The following MXRA5 variants were observed in gnomAD, a reference collection of about 807,000 sequenced individuals.
MXRA5 encodes matrix-remodeling-associated protein 5.
Under a neutral mutation model 112.5 loss-of-function variants are expected in MXRA5, and 41 were observed. The ratio of observed to expected loss-of-function variants is 0.36; its 90% CI spans 0.28 to 0.47. MXRA5 has a LOEUF of 0.47. Among genes scored for constraint, MXRA5 ranks in the 20% least tolerant of loss-of-function variants. The pLI is 0.99. For missense variants in MXRA5, 2,150 were observed against 2,251.0 expected (o/e 0.96, Z 0.91); for synonymous variants, 862 against 900.8 (o/e 0.96, Z 0.77).
At chrX:3,319,693 G>T (rs1268284354) in intron 5 of MXRA5, among the ~76,000 whole-genome samples, 1 of 111,502 alleles carries the variant, frequency 9.0e-6, no homozygotes, top group Admixed American at 9.5e-5. Context: ...GGGTGGCAAG[G>T]GTTGAAAAAT....
At chrX:3,314,881 CAGATAGATAGATAGATAGAT>C (rs77892728) in intron 6 of MXRA5, among the ~76,000 whole-genome samples, 1 of 102,606 alleles carries the variant, frequency 9.7e-6, no homozygotes, top group East Asian at 3.1e-4. Context: ...GGTAGGTAGG[CAGATAGATAGATAGATAGAT>C]AGATAGATAG....
Position 3,320,265 on chromosome X carries a change from G to C in MXRA5, c.5420C>G (p.Pro1807Arg). 2 of 1,211,415 alleles carry C rather than the reference G, an allele frequency of 1.7e-6. No homozygotes were observed. The highest frequency in any genetic ancestry group is 2.2e-6 in the Non-Finnish European group (2 of 895,125). The change falls in exon 5 of 7, where the codon CCT (proline) becomes CGT (arginine). Residue 1807 changes from proline (P) to arginine (R), a missense_variant. By Grantham distance (103) the Pro-to-Arg change is moderately radical. Around this residue, in one of 6 missense-constraint regions of MXRA5, gnomAD observed 1,485 missense variants for 1,471.6 expected, o/e 1.01. Coordinates refer to ENST00000217939, the MANE Select transcript of MXRA5 (RefSeq NM_015419.4). Reference protein sequence around the residue: ...GSPSTNLQNIPMVSSTQSSIS... With the variant: ...GSPSTNLQNIRMVSSTQSSIS... ...AGAACTCTGGGTGGAAGAGACCATAGGGATATTCTGTAAGTTAGTTGAGGG... is the reference window on the plus strand; with the variant it reads ...AGAACTCTGGGTGGAAGAGACCATACGGATATTCTGTAAGTTAGTTGAGGG...
In MXRA5 at chrX:3,311,123, A is replaced by G; in HGVS notation, c.7080T>C (p.Tyr2360=). Residue 2360 remains tyrosine, a synonymous_variant, in exon 7 of 7, where the codon TAT becomes TAC. Transcript: ENST00000217939. ...CACAGGCTACAGTGACCACGTCTCC[A>G]TAGGGCACCTGAACCGCCAAGTAAG... ...NKTYLAVQVP[Y]GDVVTVACEA... is the part of the protein sequence containing the mutation. 1.7e-6 allele frequency: 2 copies of G among 1,211,660 alleles called. No individual in the cohort carries two copies. The highest frequency in any genetic ancestry group is 2.2e-6 in the Non-Finnish European group (2 of 895,498).
At chrX:3,345,839 G>T (rs184030420) in intron 1 of MXRA5, among the ~76,000 whole-genome samples, 5 of 112,954 alleles carry the variant, frequency 4.4e-5, no homozygotes, top group Non-Finnish European at 7.5e-5. Flanking sequence ...TGAATTACGA[G>T]CTTTCCCGGA....
chrX:3,317,505 A>G lies in MXRA5; in HGVS notation c.6176T>C (p.Leu2059Pro), dbSNP rs778684559. Reference protein sequence around the residue: ...IHQEKLENISLPPGLSIHIHC... With the variant: ...IHQEKLENISPPPGLSIHIHC... ...AATGTGAATGCTGAGCCCCGGGGGC[A>G]GCGAGATGTTCTCCAGCTTCTCCTG... The change falls in exon 6 of 7, where the codon CTG becomes CCG. Residue 2059 changes from leucine to proline, a missense_variant. Physicochemically the swap from Leu to Pro is moderately conservative, Grantham distance 98. This residue lies in a region of MXRA5 where 1,485 missense variants were observed against 1,471.6 expected (regional missense o/e 1.01). Coordinates refer to ENST00000217939, the MANE Select transcript of MXRA5 (RefSeq NM_015419.4). 19 of 1,198,535 alleles carry G rather than the reference A, an allele frequency of 1.6e-5. No individual in the cohort carries two copies. In the Admixed American group the frequency reaches 3.6e-4, roughly 23 times the overall value.
In MXRA5 at chrX:3,310,561, T is replaced by C. The variant is rs1920977019; in HGVS notation, c.7642A>G (p.Ile2548Val). The C allele has an allele frequency of 3.5e-6, 4 of 1,154,468 alleles. No homozygotes were observed. Among genetic ancestry groups the C allele is most frequent in the Non-Finnish European group, 3.5e-6 (3 of 860,543 alleles). ...GCCATGGCCGTGATCTTCTCGCTGA[T>C]CGGGTCGTGGAAGATGGGTTTCTCC... Reference protein sequence around the residue: ...PMEKPIFHDPISEKITAMAGH... With the variant: ...PMEKPIFHDPVSEKITAMAGH... The change falls in exon 7 of 7, where the codon ATC becomes GTC. Residue 2548 changes from isoleucine (I) to valine (V), a missense_variant. Transcript: ENST00000217939.
rs375319194 is a variant in MXRA5 at position 3,317,111 on chromosome X, C to T, written c.6570G>A (p.Ala2190=). ...CACGCAGAGCTGCCTACCTGAAGAG[C>T]GCGTCGATCATCCTCTTGGACGGCA... ...WRLPSKRMID[A]LFSFDSRIKV... The change falls in exon 6 of 7, where the codon GCG becomes GCA. Residue 2190 remains alanine (A), a synonymous_variant. Transcript: ENST00000217939. The T allele has an allele frequency of 3.4e-4, 391 of 1,161,440 alleles. 2 individuals carry two copies. Among genetic ancestry groups the T allele is most frequent in the Non-Finnish European group, 5.9e-5 (51 of 869,358 alleles).
chrX:3,317,446 C>G lies in MXRA5; in HGVS notation c.6235G>C (p.Val2079Leu). The change falls in exon 6 of 7, where the codon GTG becomes CTG. Residue 2079 changes from valine to leucine, a missense_variant. By Grantham distance (32) the Val-to-Leu change is conservative. Coordinates refer to ENST00000217939, the MANE Select transcript of MXRA5 (RefSeq NM_015419.4). ...GTACCGTCCCCGAGCACCCAGCGCA[C>G]GCTGGGCAGGGGCGCAGCCTTGGCA... ...CTAKAAPLPS[V>L]RWVLGDGTQI... 2.5e-6 allele frequency: 3 copies of G among 1,197,392 alleles called. No individual in the cohort carries two copies. The highest frequency in any genetic ancestry group is 1.8e-5 in the South Asian group (1 of 55,092).
intron 6 of MXRA5, among the ~76,000 whole-genome samples, chrX:3,314,954 A>ATAAGAGAT (rs1251121690): frequency 9.0e-6 from 1 of 111,216 alleles, no homozygotes; most frequent in African/African-American, 3.3e-5. Flanking sequence ...GAATAGATAC[A>ATAAGAGAT]TAAGAGATAA....
Position 3,320,349 on chromosome X carries a change from T to G in MXRA5, c.5336A>C (p.His1779Pro), listed in dbSNP as rs760162200. ...YNRIHSHSTF[H>P]LDFGPPAPPL... ...AGGTGCCGGAGGGCCAAAGTCCAGATGGAAGGTGCTATGGGAATGTATCCT... is the reference window on the plus strand; with the variant it reads ...AGGTGCCGGAGGGCCAAAGTCCAGAGGGAAGGTGCTATGGGAATGTATCCT... The change falls in exon 5 of 7, where the codon CAT (histidine) becomes CCT (proline). Residue 1779 changes from histidine (H) to proline (P), a missense_variant. By Grantham distance (77) the His-to-Pro change is moderately conservative. This residue lies in a region of MXRA5 where 1,485 missense variants were observed against 1,471.6 expected (regional missense o/e 1.01). Coordinates refer to ENST00000217939, the MANE Select transcript of MXRA5 (RefSeq NM_015419.4). The G allele has an allele frequency of 2.5e-6, 3 of 1,211,778 alleles. No homozygotes were observed. In the East Asian group the frequency reaches 8.9e-5, roughly 36 times the overall value.
chrX:3,321,467 G>A lies in MXRA5; in HGVS notation c.4218C>T (p.Asp1406=), dbSNP rs1246901776. Residue 1406 remains aspartate (D), a synonymous_variant, in exon 5 of 7, where the codon GAC becomes GAT. Transcript: ENST00000217939. ...CCTCAAGCTCTTTAAGAAGGGGAGG[G>A]TCTGTAAGATTTTCCCCAGAAGTGG... ...PVTTSGENLT[D]PPLLKELEDV... 1.7e-6 allele frequency: 2 copies of A among 1,211,059 alleles called. No individual in the cohort carries two copies. The highest frequency in any genetic ancestry group is 1.8e-5 in the South Asian group (1 of 56,894).
At chrX:3,333,823 G>A (rs1921725090) in intron 2 of MXRA5, among the ~76,000 whole-genome samples, 2 of 111,898 alleles carry the variant, frequency 1.8e-5, no homozygotes, top group South Asian at 7.6e-4. Flanking sequence ...CCAAGTAAGA[G>A]AAGAAAGAGG....
At chrX:3,311,753 A>G in intron 6 of MXRA5, 129 bp from the exon 7 acceptor site, 1 of 542,957 alleles carries the variant, frequency 1.8e-6, no homozygotes, top group Non-Finnish European at 2.9e-6. Context: ...CTATTGCAGA[A>G]TGCCCAGTGG....
Position 3,310,051 on chromosome X carries a change from C to T in MXRA5, c.8152G>A (p.Gly2718Ser), listed in dbSNP as rs373522683. ...TYVCRMETEY[G>S]PSVTSIPVIV... ...ACGGGGATGCTGGTGACCGAAGGGC[C>T]GTACTCCGTCTCCATCCTGCATACA... The change falls in exon 7 of 7, where the codon GGC (glycine) becomes AGC (serine). Residue 2718 changes from glycine to serine, a missense_variant. Gly to Ser is a moderately conservative substitution (Grantham distance 56). Transcript: ENST00000217939. 1.8e-5 allele frequency: 22 copies of T among 1,208,904 alleles called. No homozygotes were observed. Among genetic ancestry groups the T allele is most frequent in the African/African-American group, 3.5e-5 (2 of 56,769 alleles).
intron 6 of MXRA5, among the ~76,000 whole-genome samples, chrX:3,316,231 G>A (rs1305014209): frequency 4.7e-5 from 2 of 42,623 alleles, no homozygotes; most frequent in African/African-American, 3.7e-4. Flanking sequence ...GGAGAATGGC[G>A]TGAACCCGGG....
At position 3,323,521 on chromosome X, in the gene MXRA5, C is replaced by A. The variant is rs780791632; in HGVS notation, c.2164G>T (p.Val722Leu). 1 of 1,211,383 alleles carries A rather than the reference C, an allele frequency of 8.3e-7. No homozygotes were observed. The change falls in exon 5 of 7, where the codon GTG becomes TTG. Residue 722 changes from valine (V) to leucine (L), a missense_variant. Physicochemically the swap from Val to Leu is conservative, Grantham distance 32. Around this residue, in one of 6 missense-constraint regions of MXRA5, gnomAD observed 1,485 missense variants for 1,471.6 expected, o/e 1.01. Transcript: ENST00000217939. ...RRLLHPKDQE[V>L]FLKTKDDAIN... ...GCATCATCCTTTGTTTTGAGGAACA[C>A]CTCTTGGTCCTTTGGATGCAGAAGT...
chrX:3,327,416 C>T (rs1274951334), intron 4 of MXRA5, among the ~76,000 whole-genome samples: 1 of 112,348 alleles, frequency 8.9e-6, no homozygotes, highest in East Asian at 2.8e-4. Context: ...AATTTCATGG[C>T]TCAGCGAATG....
At chrX:3,335,253 G>T (rs1921756330) in intron 2 of MXRA5, among the ~76,000 whole-genome samples, 1 of 111,644 alleles carries the variant, frequency 9.0e-6, no homozygotes, top group African/African-American at 3.3e-5. Flanking sequence ...CTGAAGTGCA[G>T]TGGCGCCATC....
intron 4 of MXRA5, among the ~76,000 whole-genome samples, 163 bp from the exon 5 acceptor site, chrX:3,325,138 CCA>C (rs1921426781): frequency 8.9e-6 from 1 of 111,750 alleles, no homozygotes; most frequent in Non-Finnish European, 1.9e-5. Context: ...TCATGTTAAA[CCA>C]CAGTTTTAGC....
Sources: gnomAD v4.1 joint callset for allele counts (sites outside exome capture counted in the v4.1 genomes callset) on GRCh38, gnomAD v4.1.1 for gene constraint, gnomAD v4.1.1 regional missense constraint, MANE v1.5 for transcripts, NCBI Gene and HGNC (gene_info 2026-07-23, HGNC 2026-07-21) for gene names.